Variants in RP1L1 observed in about 807,000 individuals in gnomAD.
The protein encoded by RP1L1 is retinitis pigmentosa 1-like 1 protein.
In RP1L1, 27 loss-of-function variants were observed where a neutral mutation model predicts 15.7. That is an observed-to-expected ratio of 1.72 (90% confidence interval 1.27 to 2.38). The LOEUF is 2.38. RP1L1 is among the 30% of genes most tolerant of loss of function. RP1L1 has a pLI of 0.00. For missense variants in RP1L1, 4,798 were observed against 3,075.9 expected (o/e 1.56, Z -13.24); for synonymous variants, 1,813 against 1,276.7 (o/e 1.42, Z -8.96).
At chr8:10,626,264 C>G (rs1398257893) in intron 1 of RP1L1, among the ~76,000 whole-genome samples, 2 of 151,988 alleles carry the variant, frequency 1.3e-5, no homozygotes, top group Non-Finnish European at 2.9e-5. Flanking sequence ...CTGGGCTTTG[C>G]AGGAGAGAAT....
intron 1 of RP1L1, among the ~76,000 whole-genome samples, chr8:10,628,766 A>C (rs28728234): frequency 0.018 from 2,694 of 152,344 alleles, 84 homozygotes; most frequent in African/African-American, 0.062. Context: ...ATGGACTGGA[A>C]GAAACCTGAT....
In RP1L1 at chr8:10,612,184, C is replaced by G. The variant is rs1797874329; in HGVS notation, c.1914G>C (p.Gln638His). The stretch of plus-strand genomic sequence containing the variant: ...CACTGGCCCGGCTTCTGTGCCTTCT[C>G]TGCCCCTGCTGGGATGAAGTGCAGG... Reference protein sequence around the residue: ...PSTCTSSQQGQRRHRSRASAM... With the variant: ...PSTCTSSQQGHRRHRSRASAM... The change falls in exon 4 of 4, where the codon CAG (glutamine) becomes CAC (histidine). Residue 638 changes from glutamine to histidine, a missense_variant. By Grantham distance (24) the Gln-to-His change is conservative. Transcript: ENST00000382483. 1 of 1,613,288 alleles carries G rather than the reference C, an allele frequency of 6.2e-7. No individual in the cohort carries two copies. The highest frequency in any genetic ancestry group is 1.3e-5 in the African/African-American group (1 of 74,946).
intron 1 of RP1L1, among the ~76,000 whole-genome samples, chr8:10,641,426 C>G (rs1379657997): frequency 2.5e-4 from 38 of 152,220 alleles, no homozygotes; most frequent in Non-Finnish European, 1.5e-5. Context: ...ATTTGGGAAT[C>G]ATTTGTCACA....
At position 10,611,306 on chromosome 8, in the gene RP1L1, C is replaced by A. The variant is rs763665045; in HGVS notation, c.2792G>T (p.Gly931Val). Residue 931 changes from glycine (G) to valine (V), a missense_variant, in exon 4 of 4, where the codon GGG (glycine) becomes GTG (valine). Physicochemically the swap from Gly to Val is moderately radical, Grantham distance 109. Transcript: ENST00000382483. ...GLSEEKTLRS[G>V]GGPQGQEEAS... ...CTCCTCCTGCCCCTGGGGGCCTCCC[C>A]CACTCCTCAAGGTCTTCTCCTCGGA... is the stretch of plus-strand genomic sequence containing the variant. 29 of 1,613,002 alleles carry A rather than the reference C, an allele frequency of 1.8e-5. No homozygotes were observed. Among genetic ancestry groups the A allele is most frequent in the Admixed American group, 6.7e-5 (4 of 60,030 alleles).
intron 1 of RP1L1, among the ~76,000 whole-genome samples, chr8:10,626,900 C>G (rs1563133397): frequency 1.3e-5 from 2 of 152,146 alleles, no homozygotes; most frequent in Non-Finnish European, 2.9e-5. Flanking sequence ...TCAGGCCTAC[C>G]AGGTGGGTGA....
Position 10,612,611 on chromosome 8 carries a change from C to G in RP1L1, c.1487G>C (p.Gly496Ala), listed in dbSNP as rs1797886429. 6.2e-7 allele frequency: 1 copy of G among 1,602,234 alleles called. No homozygotes were observed. Residue 496 changes from glycine (G) to alanine (A), a missense_variant, in exon 4 of 4, where the codon GGA becomes GCA. By Grantham distance (60) the Gly-to-Ala change is moderately conservative. Transcript: ENST00000382483. The part of the protein sequence containing the change: ...SAQIGAERKA[G>A]GSLGEDPGLC... ...GCCGGGGTCCTCACCCAGGCTCCCT[C>G]CAGCTTTCCGCTCAGCCCCTATCTG... is the stretch of plus-strand genomic sequence containing the variant.
In RP1L1 at chr8:10,613,232, G is replaced by A. The variant is rs1256713729; in HGVS notation, c.866C>T (p.Pro289Leu). The A allele has an allele frequency of 1.2e-6, 2 of 1,612,962 alleles. No individual in the cohort carries two copies. The highest frequency in any genetic ancestry group is 4.5e-5 in the East Asian group (2 of 44,892). ...TGGCGTGTCCTGAGGGTGCCTGCCA[G>A]GAGCAGGGCCCACCGGGGGGTTGCT... ...GPSNPPVGPA[P>L]GRHPQDTPAQ... Residue 289 changes from proline (P) to leucine (L), a missense_variant, in exon 4 of 4, where the codon CCT (proline) becomes CTT (leucine). Transcript: ENST00000382483.
chr8:10,649,575 A>G (rs1404571996), intron 1 of RP1L1, among the ~76,000 whole-genome samples: 1 of 152,072 alleles, frequency 6.6e-6, no homozygotes, highest in East Asian at 1.9e-4. Flanking sequence ...AAGGCTCACA[A>G]ATACCTATTT....
rs200827869 is a variant in RP1L1, at chr8:10,608,642, G to T, written c.5456C>A (p.Ala1819Glu). The stretch of plus-strand genomic sequence containing the variant: ...TCCTGGATCTTGGTCACCTCCTGCC[G>T]CAGCTTCACCCTGCAAGTTGTCCTC... ...GHEDNLQGEA[A>E]AGGDQDPGQS... The change falls in exon 4 of 4, where the codon GCG becomes GAG. Residue 1819 changes from alanine (A) to glutamate (E), a missense_variant. By Grantham distance (107) the Ala-to-Glu change is moderately radical. Coordinates refer to ENST00000382483, the MANE Select transcript of RP1L1 (RefSeq NM_178857.6). 6 of 1,614,074 alleles carry T rather than the reference G, an allele frequency of 3.7e-6. No homozygotes were observed. Among genetic ancestry groups the T allele is most frequent in the East Asian group, 4.5e-5 (2 of 44,874 alleles).
rs763225196 is a variant in RP1L1, at chr8:10,612,779, TG to T, written c.1318del (p.His440ThrfsTer50). 1 of 1,610,138 alleles carries T rather than the reference TG, an allele frequency of 6.2e-7. No homozygotes were observed. Among genetic ancestry groups the T allele is most frequent in the South Asian group, 1.1e-5 (1 of 91,074 alleles). On this transcript the variant is annotated frameshift_variant, in exon 4 of 4. Transcript: ENST00000382483. LOFTEE classifies it low-confidence loss of function (END_TRUNC). ...GCATCTCTCCCTCCCGGCAGTCCCG[TG>T]GCCCCACAGGCCACTGCAGCGGACG... ...QHVRCSGLWG[H>X]GTAGRERCSQ... is the part of the protein sequence containing the mutation.
chr8:10,626,244 A>AT (rs1481767973), intron 1 of RP1L1, among the ~76,000 whole-genome samples: 1 of 125,048 alleles, frequency 8.0e-6, no homozygotes, highest in Non-Finnish European at 1.8e-5. Flanking sequence ...TAGCGGGAGG[A>AT]TGGGGGAGGC....
Position 10,612,848 on chromosome 8 carries a change from C to G in RP1L1, c.1250G>C (p.Gly417Ala). 2 of 1,612,856 alleles carry G rather than the reference C, an allele frequency of 1.2e-6. No individual in the cohort carries two copies. The highest frequency in any genetic ancestry group is 1.7e-6 in the Non-Finnish European group (2 of 1,179,934). The change falls in exon 4 of 4, where the codon GGA (glycine) becomes GCA (alanine). Residue 417 changes from glycine to alanine, a missense_variant. Physicochemically the swap from Gly to Ala is moderately conservative, Grantham distance 60 (BLOSUM62 0). Coordinates refer to ENST00000382483, the MANE Select transcript of RP1L1 (RefSeq NM_178857.6). ...IWTNPLHASQGERVAARKRWG... is the reference protein window; with the variant it reads ...IWTNPLHASQAERVAARKRWG... ...CCTCTTCCGAGCTGCCACTCTCTCT[C>G]CCTGGGAGGCATGCAGGGGATTCGT...
intron 1 of RP1L1, among the ~76,000 whole-genome samples, chr8:10,654,609 G>A (rs1441116692): frequency 6.6e-6 from 1 of 152,154 alleles, no homozygotes; most frequent in Non-Finnish European, 1.5e-5. Flanking sequence ...CACCCTCCAG[G>A]TCCAGGTGGG....
At chr8:10,650,935 T>G (rs534310802) in intron 1 of RP1L1, among the ~76,000 whole-genome samples, 1 of 152,210 alleles carries the variant, frequency 6.6e-6, no homozygotes, top group Non-Finnish European at 1.5e-5. Context: ...TTTGTTAAAA[T>G]TGCCATTATT....
chr8:10,632,224 C>A (rs912912792), intron 1 of RP1L1, among the ~76,000 whole-genome samples: 1 of 152,162 alleles, frequency 6.6e-6, no homozygotes, highest in Admixed American at 6.5e-5. Flanking sequence ...TGTGGGAAAT[C>A]CCCCATTTTC....
chr8:10,651,358 G>T (rs1333038853), intron 1 of RP1L1, among the ~76,000 whole-genome samples: 1 of 152,228 alleles, frequency 6.6e-6, no homozygotes, highest in African/African-American at 2.4e-5. Flanking sequence ...CTTGCCAGGT[G>T]AATCTGGGGC....
At chr8:10,632,270 G>A (rs904691998) in intron 1 of RP1L1, among the ~76,000 whole-genome samples, 3 of 152,202 alleles carry the variant, frequency 2.0e-5, no homozygotes, top group African/African-American at 7.2e-5. Flanking sequence ...GCAATACTCT[G>A]TGATCCTAGA....
In RP1L1 at chr8:10,610,116, C is replaced by G. The variant is rs141046710; in HGVS notation, c.3982G>C (p.Glu1328Gln). 3 of 1,049,224 alleles carry G rather than the reference C, an allele frequency of 2.9e-6. No individual in the cohort carries two copies. The highest frequency in any genetic ancestry group is 2.8e-5 in the South Asian group (2 of 70,990). 65.0% of individuals were successfully genotyped at this position (1,049,224 alleles called of 1,614,324 possible). A position where few individuals can be genotyped will look rare whatever the true frequency, so the allele number is the denominator to read the frequency against. ...EAVQLEETKT[E>Q]EGLQEEGVQL... The stretch of plus-strand genomic sequence containing the variant: ...ACCCCCTCTTCTTGCAGCCCTTCTT[C>G]TGTTTTAGTTTCCTCTAACTGCACC... Residue 1328 changes from glutamate to glutamine, a missense_variant, in exon 4 of 4, where the codon GAA becomes CAA. Glu to Gln is a conservative substitution (Grantham distance 29). Coordinates refer to ENST00000382483, the MANE Select transcript of RP1L1 (RefSeq NM_178857.6).
chr8:10,630,579 G>A (rs963203231), intron 1 of RP1L1, among the ~76,000 whole-genome samples: 1 of 152,210 alleles, frequency 6.6e-6, no homozygotes, highest in Non-Finnish European at 1.5e-5. Flanking sequence ...AGCCCGTAGG[G>A]GAGCTGGGGT....
Sources: allele counts gnomAD v4.1 joint callset (sites outside exome capture counted in the v4.1 genomes callset), GRCh38; gene constraint gnomAD v4.1.1; transcripts MANE v1.5; gene names NCBI Gene and HGNC (gene_info 2026-07-23, HGNC 2026-07-21).